Variants in REL observed in about 807,000 individuals in gnomAD.
REL encodes the protein proto-oncogene c-Rel.
A neutral mutation model predicts 45.9 loss-of-function variants in REL; 15 were observed. The ratio of observed to expected loss-of-function variants is 0.33; its 90% CI spans 0.22 to 0.50. The LOEUF is 0.50. REL is among the 20% of genes least tolerant of loss of function. The probability of loss-of-function intolerance (pLI) is 0.98; values close to 1 mark genes in which losing one functional copy is unlikely to be tolerated. For missense variants in REL, 601 were observed against 715.2 expected, an observed-to-expected ratio of 0.84 and a Z score of 1.82; for synonymous variants, 239 against 242.1, an observed-to-expected ratio of 0.99 and a Z score of 0.12.
At chr2:60,890,651 G>T (rs1354267878) in intron 1 of REL, among the ~76,000 whole-genome samples, 1 of 152,084 alleles carries the variant, frequency 6.6e-6, no homozygotes, top group Non-Finnish European at 1.5e-5. Flanking sequence ...TAAAAGTAAA[G>T]TTGCATACAT....
intron 3 of REL, among the ~76,000 whole-genome samples, chr2:60,898,049 A>AATGT (rs1673399236): frequency 6.6e-6 from 1 of 152,198 alleles, no homozygotes; most frequent in African/African-American, 2.4e-5. Context: ...ATCTACTAAC[A>AATGT]GTTACCTTCT....
rs1674236255 is a variant in REL at position 60,925,019 on chromosome 2, T to C, written c.*2484T>C. 5.0e-6 allele frequency: 1 copy of C among 201,792 alleles called. No homozygotes were observed. Among genetic ancestry groups the C allele is most frequent in the Non-Finnish European group, 1.0e-5 (1 of 98,054 alleles). 12.5% of individuals were successfully genotyped at this position (201,792 alleles called of 1,614,324 possible). ...GGAGTTTTCATTTGATATATAATTA[T>C]TTATTTTGCCCTTTTATTTCCCAAA... On this transcript the variant is annotated 3_prime_UTR_variant, in exon 10 of 10. Transcript: ENST00000394479.
chr2:60,887,199 C>A (rs1673092795), intron 1 of REL, among the ~76,000 whole-genome samples: 1 of 152,112 alleles, frequency 6.6e-6, no homozygotes, highest in South Asian at 2.1e-4. Flanking sequence ...TGTACTGATG[C>A]ATTATATAAA....
At chr2:60,897,627 C>T (rs1253387568) in intron 3 of REL, among the ~76,000 whole-genome samples, 6 of 152,004 alleles carry the variant, frequency 3.9e-5, no homozygotes, top group Non-Finnish European at 2.9e-5. Context: ...TTTGCTTGCC[C>T]CAGCCCTGAA....
intron 4 of REL, 133 bp downstream of exon 4, chr2:60,901,216 C>T: frequency 2.6e-6 from 3 of 1,152,244 alleles, no homozygotes; most frequent in African/African-American, 1.8e-5. Context: ...AGTGCAATGG[C>T]GCGATCTCAG....
intron 4 of REL, among the ~76,000 whole-genome samples, chr2:60,916,531 C>G (rs182472271): frequency 1.3e-5 from 2 of 152,200 alleles, no homozygotes; most frequent in Non-Finnish European, 2.9e-5. Context: ...CAAATACATA[C>G]TTGTTGAATG....
At chr2:60,902,533 G>GTTT (rs56336137) in intron 4 of REL, among the ~76,000 whole-genome samples, 1 of 139,868 alleles carries the variant, frequency 7.1e-6, no homozygotes, top group Non-Finnish European at 1.5e-5. Flanking sequence ...TTACAAATCT[G>GTTT]TTTTTTTTTT....
In REL at chr2:60,923,615, C is replaced by T; in HGVS notation, c.*1080C>T. The T allele has an allele frequency of 4.3e-6, 1 of 232,886 alleles. No individual in the cohort carries two copies. The highest frequency in any genetic ancestry group is 8.5e-6 in the Non-Finnish European group (1 of 117,794). 14.4% of individuals were successfully genotyped at this position (232,886 alleles called of 1,614,324 possible). A position where few individuals can be genotyped will look rare whatever the true frequency, so the allele number is the denominator to read the frequency against. ...TACTTCTGGTTGCTCAGGCCAAAAA[C>T]CCTGAAGTCATCCTTGATTCTTCTT... On this transcript the variant is annotated 3_prime_UTR_variant, in exon 10 of 10. Coordinates refer to ENST00000394479, the MANE Select transcript of REL (RefSeq NM_001291746.2).
rs888383886 is a variant in REL, at chr2:60,924,031, A to G, written c.*1496A>G. 2 of 232,420 alleles carry G rather than the reference A, an allele frequency of 8.6e-6. No individual in the cohort carries two copies. The highest frequency in any genetic ancestry group is 4.4e-5 in the African/African-American group (2 of 45,238). 14.4% of individuals were successfully genotyped at this position (232,420 alleles called of 1,614,324 possible). A position where few individuals can be genotyped will look rare whatever the true frequency, so the allele number is the denominator to read the frequency against. ...GGCACCTTGGCCTCAGTGCTCCTCA[A>G]AGCATCAAGTATGCACTTGCCTTGG... is the stretch of plus-strand genomic sequence containing the variant. On this transcript the variant is annotated 3_prime_UTR_variant, in exon 10 of 10. Coordinates refer to ENST00000394479, the MANE Select transcript of REL (RefSeq NM_001291746.2).
intron 4 of REL, among the ~76,000 whole-genome samples, chr2:60,906,872 CGT>C (rs992281698): frequency 8.9e-5 from 10 of 111,928 alleles, no homozygotes; most frequent in African/African-American, 3.3e-4. Flanking sequence ...TGTGTGTGTG[CGT>C]GTGTGTATGT....
intron 4 of REL, among the ~76,000 whole-genome samples, chr2:60,915,039 G>T (rs926839334): frequency 1.3e-5 from 2 of 151,132 alleles, no homozygotes; most frequent in African/African-American, 4.9e-5. Context: ...CACCGTGTTA[G>T]CCAGGATGGT....
At chr2:60,891,302 G>C (rs913838038) in intron 1 of REL, among the ~76,000 whole-genome samples, 2 of 152,088 alleles carry the variant, frequency 1.3e-5, no homozygotes, top group African/African-American at 4.8e-5. Context: ...TTTTACTTCT[G>C]AATACTGCCT....
chr2:60,890,350 G>C (rs1443598446), intron 1 of REL, among the ~76,000 whole-genome samples: 1 of 152,168 alleles, frequency 6.6e-6, no homozygotes, highest in Non-Finnish European at 1.5e-5. Context: ...TACAGAGGAG[G>C]AAACTAAGAG....
chr2:60,888,306 C>A (rs1363222326), intron 1 of REL, among the ~76,000 whole-genome samples: 1 of 152,066 alleles, frequency 6.6e-6, no homozygotes, highest in East Asian at 1.9e-4. Flanking sequence ...AAACACTTAT[C>A]ATTAACGATG....
rs760635770 is a variant in REL at position 60,926,608 on chromosome 2, A to T, written c.*4073A>T. ...CCCCTACCCGCCCTCCGATGATCTT[A>T]TCAGAGCCCACAGGTTCAGTTTTCT... On this transcript the variant is annotated 3_prime_UTR_variant, in exon 10 of 10. Transcript: ENST00000394479. The T allele has an allele frequency of 2.2e-5, 5 of 230,734 alleles. No individual in the cohort carries two copies. The highest frequency in any genetic ancestry group is 2.6e-5 in the Non-Finnish European group (3 of 116,560). 14.3% of individuals were successfully genotyped at this position (230,734 alleles called of 1,614,324 possible).
Position 60,921,865 on chromosome 2 carries a change from G to T in REL, c.1094G>T (p.Gly365Val). Residue 365 changes from glycine (G) to valine (V), a missense_variant, in exon 10 of 10, where the codon GGA becomes GTA. Transcript: ENST00000394479. The part of the protein sequence containing the change: ...YYPSPGPISS[G>V]LSHHASMAPL... ...CCCTCACCTGGGCCCATCTCAAGTG[G>T]ATTGTCACATCATGCCTCAATGGCA... 2 of 1,614,036 alleles carry T rather than the reference G, an allele frequency of 1.2e-6. No individual in the cohort carries two copies. The highest frequency in any genetic ancestry group is 3.3e-5 in the Admixed American group (2 of 59,994).
In REL at chr2:60,900,921, C is replaced by CATAT. The variant is rs1673476662; in HGVS notation, c.303-71_303-70insATAT. On this transcript the variant is annotated intron_variant, in intron 3 of 9. Coordinates refer to ENST00000394479, the MANE Select transcript of REL (RefSeq NM_001291746.2). ...TGACAGCATGATAACTTCAGTATTG[C>CATAT]TATATGTTTGATTTTTGCAATATTC... The CATAT allele has an allele frequency of 7.9e-6, 10 of 1,272,828 alleles. No homozygotes were observed. In the South Asian group the frequency reaches 1.3e-4, roughly 16 times the overall value. The allele number at this position is 1,272,828 out of a possible 1,614,324, so 78.8% of individuals were successfully genotyped here.
intron 4 of REL, among the ~76,000 whole-genome samples, 197 bp from the exon 5 acceptor site, chr2:60,916,680 T>G (rs1319196416): frequency 1.3e-5 from 2 of 152,232 alleles, no homozygotes; most frequent in Non-Finnish European, 2.9e-5. Context: ...GGCTATAATT[T>G]ATCAAATACT....
At chr2:60,914,345 A>AT (rs1673899513) in intron 4 of REL, among the ~76,000 whole-genome samples, 1 of 152,198 alleles carries the variant, frequency 6.6e-6, no homozygotes, top group African/African-American at 2.4e-5. Flanking sequence ...AGTAATTCTG[A>AT]TGCAGTAGTA....
Sources: allele counts gnomAD v4.1 joint callset (sites outside exome capture counted in the v4.1 genomes callset), GRCh38; gene constraint gnomAD v4.1.1; transcripts MANE v1.5; gene names NCBI Gene and HGNC (gene_info 2026-07-23, HGNC 2026-07-21).